DNAJC6: variants seen among roughly 807,000 people sequenced by gnomAD.
DNAJC6 encodes DnaJ heat shock protein family (Hsp40) member C6.
A neutral mutation model predicts 110.0 loss-of-function variants in DNAJC6; 34 were observed. The observed-to-expected ratio is 0.31, with a 90% CI of 0.24 to 0.41. The LOEUF (loss-of-function observed/expected upper bound fraction) is 0.41. Among genes scored for constraint, DNAJC6 ranks in the 10% least tolerant of loss-of-function variants. The pLI is 1.00. For synonymous variants in DNAJC6, 406 were observed against 437.2 expected, an observed-to-expected ratio of 0.93 and a Z score of 0.89; for missense variants, 1,031 against 1,207.8, an observed-to-expected ratio of 0.85 and a Z score of 2.17.
chr1:65,328,386 T>C (rs1467229658), intron 1 of DNAJC6, among the ~76,000 whole-genome samples: 1 of 152,252 alleles, frequency 6.6e-6, no homozygotes, highest in Non-Finnish European at 1.5e-5. Context: ...TGAGAAACAG[T>C]ACAGAGAGAT....
intron 5 of DNAJC6, among the ~76,000 whole-genome samples, chr1:65,382,429 G>A (rs1645830681): frequency 6.6e-6 from 1 of 152,292 alleles, no homozygotes; most frequent in African/African-American, 2.4e-5. Context: ...CAACTTTGAT[G>A]AAGATGTGGA....
intron 13 of DNAJC6, among the ~76,000 whole-genome samples, chr1:65,396,057 A>G (rs1044272369): frequency 2.6e-5 from 4 of 152,342 alleles, no homozygotes; most frequent in African/African-American, 9.6e-5. Flanking sequence ...ATGCAAAAGG[A>G]AGATGACTTT....
chr1:65,317,192 A>C (rs918791451), intron 1 of DNAJC6, among the ~76,000 whole-genome samples: 1 of 152,224 alleles, frequency 6.6e-6, no homozygotes, highest in African/African-American at 2.4e-5. Flanking sequence ...GCTATGTTTG[A>C]GATGGATGAA....
At position 65,406,178 on chromosome 1, in the gene DNAJC6, T is replaced by A. The variant is rs1383329669; in HGVS notation, c.2491+45T>A. ...ACCTAGCTATGGGGCAGCCTGTCTA[T>A]GTTGTCATACTGCCTGAATGTGTCT... is the stretch of plus-strand genomic sequence containing the variant. On this transcript the variant is annotated intron_variant, in intron 16 of 18. Coordinates refer to ENST00000371069, the MANE Select transcript of DNAJC6 (RefSeq NM_001256864.2). 5.1e-6 allele frequency: 8 copies of A among 1,580,842 alleles called. No individual in the cohort carries two copies. In the Admixed American group the frequency reaches 1.4e-4, roughly 27 times the overall value.
chr1:65,413,178 G>A lies in DNAJC6; in HGVS notation c.*153G>A. On this transcript the variant is annotated 3_prime_UTR_variant, in exon 19 of 19. Coordinates refer to ENST00000371069, the MANE Select transcript of DNAJC6 (RefSeq NM_001256864.2). Reference sequence around the variant, plus strand: ...CATGAATTAATTTCTCATTGATAAGGAATGTGGATGTTTGGTTTCTCCAAA... The same window carrying A: ...CATGAATTAATTTCTCATTGATAAGAAATGTGGATGTTTGGTTTCTCCAAA... The A allele has an allele frequency of 1.6e-6, 1 of 610,106 alleles. No homozygotes were observed. Among genetic ancestry groups the A allele is most frequent in the East Asian group, 3.0e-5 (1 of 32,924 alleles). 37.8% of individuals were successfully genotyped at this position (610,106 alleles called of 1,614,324 possible).
rs78753291 is a variant in DNAJC6, at chr1:65,282,111, G to A, written c.-131+17179G>A. 7.0e-3 allele frequency among the ~76,000 whole-genome samples: 1,058 copies of A among 152,098 alleles called. 14 individuals carry two copies. The highest frequency in any genetic ancestry group is 0.025 in the African/African-American group (1,018 of 41,472). On this transcript the variant is annotated intron_variant, in intron 1 of 19. Coordinates refer to the DNAJC6 transcript ENST00000263441. Reference sequence around the variant, plus strand: ...TGGCTAATTTTTTCATTTTTTTGTAGAGACAAAGTCTCACTTTTGCCCAGG... The same window carrying A: ...TGGCTAATTTTTTCATTTTTTTGTAAAGACAAAGTCTCACTTTTGCCCAGG...
intron 1 of DNAJC6, among the ~76,000 whole-genome samples, chr1:65,333,597 T>G (rs189194839): frequency 4.4e-4 from 67 of 152,262 alleles, no homozygotes; most frequent in African/African-American, 1.6e-3. Context: ...ATAAATTGTC[T>G]TAAATCCTGA....
intron 4 of DNAJC6, among the ~76,000 whole-genome samples, chr1:65,370,118 A>G (rs1425821049): frequency 2.0e-5 from 3 of 152,160 alleles, no homozygotes; most frequent in South Asian, 2.1e-4. Context: ...GATGCTGACA[A>G]TGAAGTCCTG....
intron 8 of DNAJC6, among the ~76,000 whole-genome samples, chr1:65,387,433 G>T (rs111511681): frequency 9.9e-5 from 15 of 152,246 alleles, no homozygotes; most frequent in African/African-American, 3.6e-4. Context: ...AAGATACCCT[G>T]TACCTATAGC....
chr1:65,344,635 C>T (rs1211491045), intron 1 of DNAJC6, among the ~76,000 whole-genome samples: 1 of 152,144 alleles, frequency 6.6e-6, no homozygotes, highest in Non-Finnish European at 1.5e-5. Context: ...CCATGATTTG[C>T]AATTAATGAG....
chr1:65,336,511 A>G (rs1645338643), intron 1 of DNAJC6, among the ~76,000 whole-genome samples: 1 of 152,378 alleles, frequency 6.6e-6, no homozygotes, highest in East Asian at 1.9e-4. Flanking sequence ...AAACACAGGT[A>G]GAAACCAGAA....
At chr1:65,353,871 G>A (rs1645515701) in intron 1 of DNAJC6, among the ~76,000 whole-genome samples, 1 of 152,058 alleles carries the variant, frequency 6.6e-6, no homozygotes, top group South Asian at 2.1e-4. Context: ...AAAAGCTTGA[G>A]GAGACAGTGA....
chr1:65,311,600 C>G (rs1043983580), intron 1 of DNAJC6, among the ~76,000 whole-genome samples: 1 of 152,092 alleles, frequency 6.6e-6, no homozygotes, highest in African/African-American at 2.4e-5. Flanking sequence ...AAAGTGTAAT[C>G]CATCTTTTGA....
chr1:65,268,753 T>A (rs1419028213), intron 1 of DNAJC6, among the ~76,000 whole-genome samples: 1 of 152,214 alleles, frequency 6.6e-6, no homozygotes, highest in Non-Finnish European at 1.5e-5. Context: ...AAGGGAGATG[T>A]GAACCTTAGA....
chr1:65,405,967 G>C lies in DNAJC6; in HGVS notation c.2325G>C (p.Met775Ile), dbSNP rs753921684. The stretch of plus-strand genomic sequence containing the variant: ...CACAGAAGGCGTCTCCCCAGCCTAT[G>C]GGTGGCGGGTGGCAGCAGGGAGGTG... ...SSPQKASPQP[M>I]GGGWQQGGAY... Residue 775 changes from methionine (M) to isoleucine (I), a missense_variant, in exon 16 of 19, where the codon ATG becomes ATC. By Grantham distance (10) the Met-to-Ile change is conservative. Transcript: ENST00000371069. 8.7e-6 allele frequency: 14 copies of C among 1,614,090 alleles called. No homozygotes were observed. The South Asian group carries it at 1.4e-4, about 16-fold the overall frequency.
chr1:65,294,505 A>G (rs1393690710), intron 1 of DNAJC6, among the ~76,000 whole-genome samples: 4 of 152,220 alleles, frequency 2.6e-5, no homozygotes, highest in Non-Finnish European at 5.9e-5. Context: ...TGACTACAGC[A>G]TTTTATATCT....
exon 1 of DNAJC6, chr1:65,264,813 C>G: frequency 6.4e-7 from 1 of 1,559,282 alleles, no homozygotes; most frequent in Non-Finnish European, 8.7e-7. Context: ...AGAGACTTCG[C>G]CCCCGAGACC....
intron 12 of DNAJC6, among the ~76,000 whole-genome samples, chr1:65,394,183 T>C (rs1231792766): frequency 1.3e-5 from 2 of 152,216 alleles, no homozygotes; most frequent in Non-Finnish European, 2.9e-5. Context: ...AGGCAGCTAG[T>C]GGAATTCCAG....
At chr1:65,380,769 A>G (rs1050988042) in intron 5 of DNAJC6, among the ~76,000 whole-genome samples, 2 of 152,184 alleles carry the variant, frequency 1.3e-5, no homozygotes, top group African/African-American at 4.8e-5. Context: ...AAGAAAAAAG[A>G]AGAGGCAAAC....
Sources: gnomAD v4.1 joint callset for allele counts (sites outside exome capture counted in the v4.1 genomes callset) on GRCh38, gnomAD v4.1.1 for gene constraint, MANE v1.5 for transcripts, NCBI Gene and HGNC (gene_info 2026-07-23, HGNC 2026-07-21) for gene names.